The following GRID2 variants were observed in gnomAD, a reference collection of about 807,000 sequenced individuals.
The protein encoded by GRID2 is glutamate receptor ionotropic, delta-2.
GRID2 carries 33 observed loss-of-function variants against 114.8 expected under a neutral mutation model. That is an observed-to-expected ratio of 0.29 (90% CI 0.22 to 0.38). The LOEUF is 0.38. GRID2 is among the 10% of genes least tolerant of loss of function. GRID2 has a pLI of 1.00. For synonymous variants in GRID2, 505 were observed against 449.9 expected, an observed-to-expected ratio of 1.12 and a Z score of -1.55; for missense variants, 1,184 against 1,257.7, an observed-to-expected ratio of 0.94 and a Z score of 0.89.
chr4:93,559,344 A>G (rs1734658570), intron 13 of GRID2, among the ~76,000 whole-genome samples: 1 of 152,234 alleles, frequency 6.6e-6, no homozygotes, highest in South Asian at 2.1e-4. Context: ...CCATCTGACA[A>G]AAGGCTAATA....
chr4:93,272,840 C>T (rs1417763284), intron 8 of GRID2, among the ~76,000 whole-genome samples: 1 of 152,124 alleles, frequency 6.6e-6, no homozygotes, highest in Non-Finnish European at 1.5e-5. Flanking sequence ...GGTGGTCCTT[C>T]GCTGGTCTCA....
intron 8 of GRID2, among the ~76,000 whole-genome samples, chr4:93,248,389 T>C (rs913842923): frequency 6.6e-6 from 1 of 152,158 alleles, no homozygotes; most frequent in African/African-American, 2.4e-5. Context: ...CAGACAGTGA[T>C]AGGAGAGACT....
intron 2 of GRID2, among the ~76,000 whole-genome samples, chr4:92,913,227 T>A (rs1006467840): frequency 3.3e-5 from 5 of 151,916 alleles, no homozygotes; most frequent in African/African-American, 1.2e-4. Context: ...TACAGACATT[T>A]GCTACTTTGT....
chr4:92,320,009 A>G (rs1431972340), intron 1 of GRID2, among the ~76,000 whole-genome samples: 1 of 152,194 alleles, frequency 6.6e-6, no homozygotes, highest in Non-Finnish European at 1.5e-5. Context: ...GAGAGAGGTG[A>G]GAGAGGTTGC....
intron 1 of GRID2, among the ~76,000 whole-genome samples, chr4:92,421,899 G>A (rs1731927915): frequency 2.0e-5 from 3 of 152,106 alleles, no homozygotes; most frequent in Non-Finnish European, 2.9e-5. Flanking sequence ...GTGGTGAAAA[G>A]ACAGAAAAAG....
At chr4:93,513,164 G>A (rs895240362) in intron 12 of GRID2, among the ~76,000 whole-genome samples, 1 of 152,114 alleles carries the variant, frequency 6.6e-6, no homozygotes, top group Admixed American at 6.6e-5. Flanking sequence ...CTATAGACCT[G>A]CAGGTTCTAG....
At chr4:93,522,663 A>G (rs920791389) in intron 13 of GRID2, among the ~76,000 whole-genome samples, 7 of 152,190 alleles carry the variant, frequency 4.6e-5, no homozygotes, top group Non-Finnish European at 1.0e-4. Flanking sequence ...AAAGGGTGGC[A>G]GGAACAATGC....
chr4:92,491,278 T>A (rs1476786156), intron 1 of GRID2, among the ~76,000 whole-genome samples: 1 of 152,160 alleles, frequency 6.6e-6, no homozygotes, highest in Non-Finnish European at 1.5e-5. Context: ...ATTTGTGACA[T>A]CTTGGTTAAG....
Position 92,304,574 on chromosome 4 carries a change from C to T in GRID2, c.-83C>T, listed in dbSNP as rs879015016. On this transcript the variant is annotated 5_prime_UTR_variant, in exon 1 of 16. Coordinates refer to ENST00000282020, the MANE Select transcript of GRID2 (RefSeq NM_001510.4). Reference sequence around the variant, plus strand: ...AAGAAAAAGCTGCGCTAAACTCCACCGTGACCTCAAACTCTTTGGACTGTT... The same window carrying T: ...AAGAAAAAGCTGCGCTAAACTCCACTGTGACCTCAAACTCTTTGGACTGTT... 8 of 875,192 alleles carry T rather than the reference C, an allele frequency of 9.1e-6. No individual in the cohort carries two copies. The highest frequency in any genetic ancestry group is 3.7e-5 in the Admixed American group (2 of 53,430). 54.2% of individuals were successfully genotyped at this position (875,192 alleles called of 1,614,324 possible).
rs567005406 is a variant in GRID2 at position 92,971,082 on chromosome 4, C to T, written c.245-113913C>T. On this transcript the variant is annotated intron_variant, in intron 2 of 15. Transcript: ENST00000282020. ...TACTCCTGGGCTCAAATGATATTCTCGCTTTGGCCCCTCAAAATGTTGGGA... is the reference window on the plus strand; with the variant it reads ...TACTCCTGGGCTCAAATGATATTCTTGCTTTGGCCCCTCAAAATGTTGGGA... 3.3e-5 allele frequency among the ~76,000 whole-genome samples: 5 copies of T among 151,934 alleles called. No homozygotes were observed. In the South Asian group the frequency reaches 6.2e-4, roughly 19 times the overall value.
intron 2 of GRID2, among the ~76,000 whole-genome samples, chr4:92,875,913 C>T (rs1745593951): frequency 6.6e-6 from 1 of 152,104 alleles, no homozygotes; most frequent in African/African-American, 2.4e-5. Flanking sequence ...TGCTTCCCAA[C>T]TCTATTAGTT....
intron 1 of GRID2, among the ~76,000 whole-genome samples, chr4:92,544,325 CT>C (rs1264363592): frequency 1.3e-5 from 2 of 152,084 alleles, no homozygotes; most frequent in Non-Finnish European, 2.9e-5. Flanking sequence ...AATCTCTTTA[CT>C]GAGGGAAATG....
chr4:92,485,333 TATATATATATATATAGTG>T (rs1262739217), intron 1 of GRID2, among the ~76,000 whole-genome samples: 2 of 100,986 alleles, frequency 2.0e-5, no homozygotes, highest in African/African-American at 7.0e-5. Context: ...TATATATATA[TATATATATATATATAGTG>T]TGTGTGTGTG....
At chr4:93,414,471 G>A (rs143598962) in intron 9 of GRID2, among the ~76,000 whole-genome samples, 63 of 152,140 alleles carry the variant, frequency 4.1e-4, no homozygotes, top group African/African-American at 1.4e-3. Flanking sequence ...TGTGGCTCTA[G>A]CTTCCTTGGT....
chr4:92,901,841 G>C (rs938736315), intron 2 of GRID2, among the ~76,000 whole-genome samples: 1 of 151,952 alleles, frequency 6.6e-6, no homozygotes, highest in Non-Finnish European at 1.5e-5. Context: ...GTGTGTGTGT[G>C]TGTCCTTGTC....
At chr4:93,057,231 A>G (rs1168717119) in intron 2 of GRID2, among the ~76,000 whole-genome samples, 2 of 151,582 alleles carry the variant, frequency 1.3e-5, no homozygotes, top group Non-Finnish European at 3.0e-5. Flanking sequence ...TATTTGGTCA[A>G]TGTCAATTAC....
intron 14 of GRID2, among the ~76,000 whole-genome samples, chr4:93,682,675 G>T (rs1255386503): frequency 6.6e-6 from 1 of 151,230 alleles, no homozygotes; most frequent in Non-Finnish European, 1.5e-5. Flanking sequence ...GTAAACTATT[G>T]CAAAGACAAA....
At chr4:92,707,604 C>G (rs974481360) in intron 2 of GRID2, among the ~76,000 whole-genome samples, 3 of 152,028 alleles carry the variant, frequency 2.0e-5, no homozygotes, top group Admixed American at 1.3e-4. Flanking sequence ...TTATACAGTT[C>G]TATAAAAGAA....
chr4:92,742,182 G>T (rs1736924547), intron 2 of GRID2, among the ~76,000 whole-genome samples: 2 of 152,054 alleles, frequency 1.3e-5, no homozygotes, highest in Non-Finnish European at 2.9e-5. Context: ...CTTAATGTCA[G>T]CAGATAGTAC....
Sources: gnomAD v4.1 joint callset for allele counts (sites outside exome capture counted in the v4.1 genomes callset) on GRCh38, gnomAD v4.1.1 for gene constraint, MANE v1.5 for transcripts, NCBI Gene and HGNC (gene_info 2026-07-23, HGNC 2026-07-21) for gene names.